The following CFAP74 variants were observed in gnomAD, a reference collection of about 807,000 sequenced individuals.
The protein encoded by CFAP74 is cilia- and flagella-associated protein 74.
In CFAP74, 124 loss-of-function variants were observed where a neutral mutation model predicts 188.9. The observed-to-expected ratio is 0.66, with a 90% CI of 0.57 to 0.76. The LOEUF (loss-of-function observed/expected upper bound fraction) is 0.76. Ranked by LOEUF, CFAP74 falls within the 30% of genes least tolerant of loss-of-function variation. The pLI is 0.00. For missense variants in CFAP74, 2,198 were observed against 2,165.2 expected (o/e 1.02, Z -0.30); for synonymous variants, 956 against 916.7 (o/e 1.04, Z -0.77).
At chr1:1,995,234 C>T (rs1238942258) in intron 1 of CFAP74, among the ~76,000 whole-genome samples, 1 of 152,166 alleles carries the variant, frequency 6.6e-6, no homozygotes, top group Admixed American at 6.6e-5. Flanking sequence ...TGAGGTGGCT[C>T]ACACCTGTAA....
chr1:1,949,144 C>T (rs1284550258), intron 18 of CFAP74, among the ~76,000 whole-genome samples: 1 of 124,610 alleles, frequency 8.0e-6, no homozygotes, highest in African/African-American at 3.0e-5. Flanking sequence ...TCCCTCCCTC[C>T]CTTCCTTCCC....
intron 6 of CFAP74, among the ~76,000 whole-genome samples, chr1:1,976,262 T>C (rs2102087027): frequency 6.6e-6 from 1 of 152,314 alleles, no homozygotes; most frequent in African/African-American, 2.4e-5. Flanking sequence ...CCCCCAGTGT[T>C]GGAGGTGGGC....
chr1:1,924,102 AC>A (rs1246143908), intron 34 of CFAP74, among the ~76,000 whole-genome samples, 173 bp from the exon 35 acceptor site: 191 of 37,574 alleles, frequency 5.1e-3, no homozygotes, highest in African/African-American at 0.014. Context: ...CCAAGCGCCC[AC>A]CCCCCCCATC....
chr1:1,998,553 C>T (rs1658033007), intron 1 of CFAP74, among the ~76,000 whole-genome samples: 1 of 152,054 alleles, frequency 6.6e-6, no homozygotes, highest in African/African-American at 2.4e-5. Flanking sequence ...TGCAATTTTC[C>T]ATAATAAAAG....
At chr1:1,974,502 C>T (rs549553296) in intron 6 of CFAP74, among the ~76,000 whole-genome samples, 149 of 152,340 alleles carry the variant, frequency 9.8e-4, no homozygotes, top group African/African-American at 3.4e-3. Flanking sequence ...TGGGGCAGGC[C>T]CTGCCCAGCC....
chr1:1,927,829 G>A, intron 27 of CFAP74, 83 bp from the exon 28 acceptor site: 1 of 1,422,510 alleles, frequency 7.0e-7, no homozygotes, highest in Non-Finnish European at 9.4e-7. Flanking sequence ...TGCGGCCAGT[G>A]CGGGAACCGC....
intron 25 of CFAP74, among the ~76,000 whole-genome samples, chr1:1,936,274 G>A (rs924412303): frequency 2.1e-4 from 31 of 146,988 alleles, no homozygotes; most frequent in East Asian, 1.2e-3. Flanking sequence ...GGCCGGGTGC[G>A]GTGGCTCACA....
rs1374512788 is a variant in CFAP74, at chr1:1,935,030, C to T, written c.3011+3825G>A. Among the ~76,000 whole-genome samples, 6 of 77,110 alleles carry T rather than the reference C, an allele frequency of 7.8e-5. 2 individuals carry two copies. Among genetic ancestry groups the T allele is most frequent in the Non-Finnish European group, 1.3e-4 (5 of 38,118 alleles). 50.6% of individuals were successfully genotyped at this position (77,110 alleles called of 152,430 possible). On this transcript the variant is annotated intron_variant, in intron 25 of 38. Transcript: ENST00000682832. ...GTATGTGTGTTGCTGTGGGTACACA[C>T]GTGTGTACGTGGGTGTTAGGCTGTG...
In CFAP74 at chr1:1,966,412, C is replaced by T. The variant is rs749164767; in HGVS notation, c.1360G>A (p.Glu454Lys). ...SSEEETLAEP[E>K]ISGLWNEDYK... Reference sequence around the variant, plus strand: ...TCTTCATTCCAAAGCCCAGAGATCTCGGGCTCAGCTAACGTTTCCTCCTCT... The same window carrying T: ...TCTTCATTCCAAAGCCCAGAGATCTTGGGCTCAGCTAACGTTTCCTCCTCT... Residue 454 changes from glutamate to lysine, a missense_variant, in exon 12 of 39, where the codon GAG becomes AAG. Glu to Lys is a moderately conservative substitution (Grantham distance 56, BLOSUM62 1). Coordinates refer to ENST00000682832, the MANE Select transcript of CFAP74 (RefSeq NM_001304360.2). 3.4e-5 allele frequency: 55 copies of T among 1,599,586 alleles called. No homozygotes were observed. In the South Asian group the frequency reaches 4.8e-4, roughly 14 times the overall value.
chr1:1,949,578 AT>A (rs1654079396), intron 18 of CFAP74, among the ~76,000 whole-genome samples: 1 of 151,868 alleles, frequency 6.6e-6, no homozygotes, highest in Admixed American at 6.6e-5. Flanking sequence ...GTTTTGACAG[AT>A]TCATGTGGTT....
At chr1:1,978,300 T>C (rs1443618563) in intron 6 of CFAP74, among the ~76,000 whole-genome samples, 1 of 152,008 alleles carries the variant, frequency 6.6e-6, no homozygotes, top group Non-Finnish European at 1.5e-5. Flanking sequence ...AGGGGCTCCC[T>C]GTTGCCTTGG....
chr1:1,947,580 C>T (rs758938170), intron 18 of CFAP74, among the ~76,000 whole-genome samples: 6 of 152,210 alleles, frequency 3.9e-5, no homozygotes, highest in Admixed American at 1.3e-4. Context: ...AGAGCTGTTT[C>T]CTTGCAAGTC....
chr1:1,965,844 C>T (rs568890760), intron 12 of CFAP74, among the ~76,000 whole-genome samples: 7 of 152,338 alleles, frequency 4.6e-5, no homozygotes, highest in South Asian at 2.1e-4. Context: ...TTACAGAAAC[C>T]GGGCGGCGGG....
Position 1,942,557 on chromosome 1 carries a change from C to T in CFAP74, c.2487-401G>A, listed in dbSNP as rs1653456252. Among the ~76,000 whole-genome samples the T allele has an allele frequency of 6.6e-6, 1 of 152,112 alleles. No homozygotes were observed. Among genetic ancestry groups the T allele is most frequent in the East Asian group, 1.9e-4 (1 of 5,176 alleles). ...CTGCCCAGGGCATCCCCACATCCTG[C>T]AGCTCAAGCACAGGGCACGTGGGGG... is the stretch of plus-strand genomic sequence containing the variant. On this transcript the variant is annotated intron_variant, in intron 21 of 38. Transcript: ENST00000682832. The surrounding 1 kb of genome is among the most constrained non-coding windows in gnomAD (Gnocchi z 4.3).
chr1:1,946,862 C>T (rs979542185), intron 19 of CFAP74, 128 bp downstream of exon 19: 18 of 727,036 alleles, frequency 2.5e-5, no homozygotes, highest in Non-Finnish European at 4.2e-5. Context: ...CAAAGTCTGG[C>T]CTGTCTCTGG....
intron 31 of CFAP74, 44 bp downstream of exon 31, chr1:1,926,413 C>T (rs779161705): frequency 1.6e-5 from 25 of 1,550,142 alleles, no homozygotes; most frequent in Admixed American, 9.8e-5. Flanking sequence ...CCCCGGTCCC[C>T]GCTCCCACCC....
At chr1:1,997,099 C>T (rs1557427570) in intron 1 of CFAP74, among the ~76,000 whole-genome samples, 1 of 152,036 alleles carries the variant, frequency 6.6e-6, no homozygotes, top group Non-Finnish European at 1.5e-5. Flanking sequence ...GTATTCATCA[C>T]GTCCCCAGCC....
intron 1 of CFAP74, among the ~76,000 whole-genome samples, chr1:1,991,787 C>A (rs1206858939): frequency 6.6e-6 from 1 of 152,144 alleles, no homozygotes; most frequent in African/African-American, 2.4e-5. Context: ...CACCTGTAAT[C>A]CCAGCACTTT....
chr1:1,981,142 G>A (rs1401493089), intron 6 of CFAP74, among the ~76,000 whole-genome samples: 3 of 152,210 alleles, frequency 2.0e-5, no homozygotes, highest in Admixed American at 6.5e-5. Flanking sequence ...TGCTCTCTCC[G>A]TTGGGCTCTA....
Sources: allele counts gnomAD v4.1 joint callset (sites outside exome capture counted in the v4.1 genomes callset), GRCh38; gene constraint gnomAD v4.1.1; non-coding constraint Gnocchi (gnomAD v3.1); transcripts MANE v1.5; gene names NCBI Gene and HGNC (gene_info 2026-07-23, HGNC 2026-07-21).